ARFGEF3: variants seen among roughly 807,000 people sequenced by gnomAD.
ARFGEF3 encodes brefeldin A-inhibited guanine nucleotide-exchange protein 3.
ARFGEF3 carries 96 observed loss-of-function variants against 221.7 expected under a neutral mutation model. The ratio of observed to expected loss-of-function variants is 0.43; its 90% CI spans 0.37 to 0.51. The LOEUF (loss-of-function observed/expected upper bound fraction) is 0.51. Ranked by LOEUF, ARFGEF3 falls within the 20% of genes least tolerant of loss-of-function variation. ARFGEF3 has a pLI of 0.00. For synonymous variants in ARFGEF3, 1,145 were observed against 1,126.8 expected (o/e 1.02, Z -0.32); for missense variants, 2,410 against 2,789.9 (o/e 0.86, Z 3.07).
intron 31 of ARFGEF3, 133 bp downstream of exon 31, chr6:138,324,287 C>G (rs1167780532): frequency 1.0e-6 from 1 of 985,758 alleles, no homozygotes; most frequent in Non-Finnish European, 1.5e-6. Context: ...GCTCCCAACT[C>G]TTGCCACTAC....
At chr6:138,217,747 A>G in intron 4 of ARFGEF3, 1 of 514,358 alleles carries the variant, frequency 1.9e-6, no homozygotes, top group African/African-American at 1.9e-5. Flanking sequence ...GCCCACTAGG[A>G]TAAATAACAA....
rs772144300 is a variant in ARFGEF3 at position 138,337,943 on chromosome 6, T to A, written c.*1457T>A. The A allele has an allele frequency of 7.2e-5, 11 of 152,104 alleles. No individual in the cohort carries two copies. The highest frequency in any genetic ancestry group is 1.6e-4 in the Non-Finnish European group (11 of 68,032). The allele number at this position is 152,104 out of a possible 1,614,324, so 9.4% of individuals were successfully genotyped here. ...ATATAAGACACAAATTCTACAGTAT[T>A]GAAATAAGGATTTAAAGGGGTATTT... On this transcript the variant is annotated 3_prime_UTR_variant, in exon 34 of 34. Coordinates refer to ENST00000251691, the MANE Select transcript of ARFGEF3 (RefSeq NM_020340.5).
chr6:138,246,107 G>T (rs550736288), intron 8 of ARFGEF3, among the ~76,000 whole-genome samples: 1 of 151,962 alleles, frequency 6.6e-6, no homozygotes, highest in Non-Finnish European at 1.5e-5. Flanking sequence ...TTTGTTTTGC[G>T]TATCAGCTTA....
chr6:138,174,469 T>TAAAAA lies in ARFGEF3; in HGVS notation c.137+3790_137+3794dup, dbSNP rs35236693. ...GGCATCCTTCTATTTGAGCATCTGC[T>TAAAAA]AAAAAAAAAAAAAAAAAAAAAAAAA... On this transcript the variant is annotated intron_variant, in intron 2 of 33. Coordinates refer to ENST00000251691, the MANE Select transcript of ARFGEF3 (RefSeq NM_020340.5). Among the ~76,000 whole-genome samples the TAAAAA allele has an allele frequency of 1.3e-3, 32 of 25,302 alleles. 5 individuals are homozygous for TAAAAA. The highest frequency in any genetic ancestry group is 3.3e-3 in the East Asian group (2 of 602). 16.6% of individuals were successfully genotyped at this position (25,302 alleles called of 152,430 possible).
chr6:138,298,881 A>G, intron 22 of ARFGEF3, 96 bp downstream of exon 22: 1 of 917,872 alleles, frequency 1.1e-6, no homozygotes, highest in Non-Finnish European at 1.6e-6. Flanking sequence ...TCTTTCCAAT[A>G]ATCCTATGTG....
At chr6:138,329,923 G>T (rs1384240375) in intron 32 of ARFGEF3, among the ~76,000 whole-genome samples, 1 of 152,090 alleles carries the variant, frequency 6.6e-6, no homozygotes, top group Non-Finnish European at 1.5e-5. Context: ...GAGAGTCAGC[G>T]AAGGGAGATA....
At chr6:138,165,231 C>T (rs72986833) in intron 1 of ARFGEF3, among the ~76,000 whole-genome samples, 5,352 of 151,750 alleles carry the variant, frequency 0.035, 101 homozygotes, top group African/African-American at 0.045. Flanking sequence ...CACTTAGACC[C>T]TCATGGGAGA....
chr6:138,331,531 GTTTGT>G (rs1222503969), intron 32 of ARFGEF3, among the ~76,000 whole-genome samples: 8 of 152,246 alleles, frequency 5.3e-5, no homozygotes, highest in Non-Finnish European at 1.0e-4. Flanking sequence ...GTTTGTTTGG[GTTTGT>G]TTTAATAGCC....
At chr6:138,258,624 G>C (rs1244994973) in intron 10 of ARFGEF3, among the ~76,000 whole-genome samples, 3 of 152,198 alleles carry the variant, frequency 2.0e-5, no homozygotes, top group African/African-American at 7.2e-5. Context: ...TTTCACAATA[G>C]AATGGGGAAC....
chr6:138,236,384 T>C (rs1251530810), intron 5 of ARFGEF3, among the ~76,000 whole-genome samples: 2 of 152,062 alleles, frequency 1.3e-5, no homozygotes, highest in Non-Finnish European at 2.9e-5. Context: ...CAATGGAGAG[T>C]TTGGCTTCAT....
At chr6:138,325,380 AC>A (rs1421868416) in intron 31 of ARFGEF3, among the ~76,000 whole-genome samples, 1 of 152,220 alleles carries the variant, frequency 6.6e-6, no homozygotes, top group Non-Finnish European at 1.5e-5. Context: ...AGGTAGTGGG[AC>A]AAGAACCTTC....
chr6:138,203,728 G>A (rs756640862), intron 2 of ARFGEF3, among the ~76,000 whole-genome samples: 2 of 152,140 alleles, frequency 1.3e-5, no homozygotes, highest in Non-Finnish European at 2.9e-5. Context: ...TGCAACGCCT[G>A]CCTCCCAGGT....
At chr6:138,328,168 G>T in intron 32 of ARFGEF3, 26 bp downstream of exon 32, 1 of 1,569,090 alleles carries the variant, frequency 6.4e-7, no homozygotes, top group Non-Finnish European at 8.7e-7. Context: ...TCAACTCATA[G>T]GGTGCTTATA....
rs1339417320 is a variant in ARFGEF3, at chr6:138,255,569, G to A, written c.904G>A (p.Gly302Ser). 2.5e-6 allele frequency: 4 copies of A among 1,613,976 alleles called. No homozygotes were observed. The highest frequency in any genetic ancestry group is 2.2e-5 in the East Asian group (1 of 44,882). The change falls in exon 10 of 34, where the codon GGC (glycine) becomes AGC (serine). Residue 302 changes from glycine to serine, a missense_variant. Transcript: ENST00000251691. Reference protein sequence around the residue: ...DSASPGVSDHGRGSGCSCTAP... With the variant: ...DSASPGVSDHSRGSGCSCTAP... ...TGCGTCTCCGGGAGTGTCTGACCAC[G>A]GCCGAGGATCAGGCTGCTCCTGCAC...
At position 138,334,802 on chromosome 6, in the gene ARFGEF3, C is replaced by T. The variant is rs117285792; in HGVS notation, c.5956C>T (p.Leu1986=). The change falls in exon 33 of 34, where the codon CTG becomes TTG. Residue 1986 remains leucine, a synonymous_variant. Transcript: ENST00000251691. The surrounding 1 kb of genome is among the most constrained non-coding windows in gnomAD (Gnocchi z 5.1). ...SLSLKAGGGD[L]LLPPSPKVEK... is the part of the protein sequence containing the mutation. ...GAGCCTGAAGGCCGGTGGTGGGGAC[C>T]TGCTGCTGCCCCCCAGCCCCAAAGT... The T allele has an allele frequency of 3.0e-3, 4,807 of 1,603,974 alleles. 65 individuals carry two copies. The highest frequency in any genetic ancestry group is 0.027 in the Admixed American group (1,556 of 58,342).
At chr6:138,183,227 T>C (rs1582998780) in intron 2 of ARFGEF3, among the ~76,000 whole-genome samples, 1 of 152,090 alleles carries the variant, frequency 6.6e-6, no homozygotes, top group Non-Finnish European at 1.5e-5. Context: ...GCTGCTGGAT[T>C]TACCCCCAAC....
Position 138,335,069 on chromosome 6 carries a change from C to A in ARFGEF3, c.6223C>A (p.Gln2075Lys). 6.2e-7 allele frequency: 1 copy of A among 1,600,124 alleles called. No individual in the cohort carries two copies. Among genetic ancestry groups the A allele is most frequent in the Non-Finnish European group, 8.5e-7 (1 of 1,174,098 alleles). ...TCCCCAGCACTTGATGGACCAAGGG[C>A]AAATGCGGCATTCCTTCAGCGCAGG... Reference protein sequence around the residue: ...QRPQHLMDQGQMRHSFSAGPE... With the variant: ...QRPQHLMDQGKMRHSFSAGPE... Residue 2075 changes from glutamine to lysine, a missense_variant, in exon 33 of 34, where the codon CAA becomes AAA. By Grantham distance (53) the Gln-to-Lys change is moderately conservative. Coordinates refer to ENST00000251691, the MANE Select transcript of ARFGEF3 (RefSeq NM_020340.5).
In ARFGEF3 at chr6:138,296,471, A is replaced by G. The variant is rs77916836; in HGVS notation, c.3503-339A>G. Among the ~76,000 whole-genome samples, 378 of 152,274 alleles carry G rather than the reference A, an allele frequency of 2.5e-3. 7 individuals are homozygous for G. The East Asian group carries it at 0.031, about 13-fold the overall frequency. On this transcript the variant is annotated intron_variant, in intron 20 of 33. Coordinates refer to ENST00000251691, the MANE Select transcript of ARFGEF3 (RefSeq NM_020340.5). ...AAGAGGAAAATCTTTGGCCCAGTAT[A>G]ACACAACTACTAAATGGTGCCAGGA...
At chr6:138,209,678 G>A (rs1777684944) in intron 3 of ARFGEF3, among the ~76,000 whole-genome samples, 2 of 152,052 alleles carry the variant, frequency 1.3e-5, no homozygotes, top group Non-Finnish European at 2.9e-5. Flanking sequence ...TCCAACCCCT[G>A]ACCTCATGAC....
Sources: gnomAD v4.1 joint callset for allele counts (sites outside exome capture counted in the v4.1 genomes callset) on GRCh38, gnomAD v4.1.1 for gene constraint, Gnocchi (gnomAD v3.1) non-coding constraint, MANE v1.5 for transcripts, NCBI Gene and HGNC (gene_info 2026-07-23, HGNC 2026-07-21) for gene names.